The following GSDME variants were observed in gnomAD, a reference collection of about 807,000 sequenced individuals.
GSDME encodes gasdermin-E.
Under a neutral mutation model 47.5 loss-of-function variants are expected in GSDME, and 44 were observed. That is an observed-to-expected ratio of 0.93 (90% CI 0.73 to 1.19). The LOEUF is 1.19. Among genes scored for constraint, GSDME ranks in the 50% most tolerant of loss-of-function variants. GSDME has a pLI of 0.00. For missense variants in GSDME, 663 were observed against 604.2 expected, an observed-to-expected ratio of 1.10 and a Z score of -1.02; for synonymous variants, 258 against 252.8, an observed-to-expected ratio of 1.02 and a Z score of -0.20.
intron 7 of GSDME, chr7:24,707,219 ATCAGTTAT>A: frequency 2.3e-6 from 1 of 441,224 alleles, no homozygotes; most frequent in Non-Finnish European, 4.6e-6. Flanking sequence ...AAAGCACTAA[ATCAGTTAT>A]TCAAACTCCC....
chr7:24,784,597 C>G, the GSDME span, among the ~76,000 whole-genome samples: 3 of 151,494 alleles, frequency 2.0e-5, no homozygotes, highest in Admixed American at 1.3e-4. Flanking sequence ...GCTGATCCCA[C>G]CTTCTTCCCC....
rs17274530 is a variant in GSDME, at chr7:24,698,996, G to A, written c.*30C>T. 0.051 allele frequency: 75,979 copies of A among 1,480,710 alleles called. 2,257 individuals carry two copies. The highest frequency in any genetic ancestry group is 0.059 in the Non-Finnish European group (62,326 of 1,061,942). The allele number at this position is 1,480,710 out of a possible 1,614,324, so 91.7% of individuals were successfully genotyped here. On this transcript the variant is annotated 3_prime_UTR_variant, in exon 10 of 10. Coordinates refer to ENST00000645220, the MANE Select transcript of GSDME (RefSeq NM_001127453.2). ...CAGTTCTGAAAAATAGCCTTGGCCA[G>A]TAACACGTACTTCTAGTTCACATAT...
At chr7:24,715,065 C>T (rs1424214210) in intron 5 of GSDME, among the ~76,000 whole-genome samples, 4 of 152,200 alleles carry the variant, frequency 2.6e-5, no homozygotes, top group South Asian at 2.1e-4. Flanking sequence ...GTGCCAACCT[C>T]GATGAACCCA....
chr7:24,753,669 G>A (rs1460273919), intron 1 of GSDME, among the ~76,000 whole-genome samples: 3 of 152,194 alleles, frequency 2.0e-5, no homozygotes, highest in Non-Finnish European at 4.4e-5. Flanking sequence ...TTGCAAGTCT[G>A]ATAGGTGAGA....
At chr7:24,708,594 A>C (rs1432593578) in intron 6 of GSDME, among the ~76,000 whole-genome samples, 2 of 152,246 alleles carry the variant, frequency 1.3e-5, no homozygotes, top group Non-Finnish European at 2.9e-5. Flanking sequence ...TCTAGAAGTA[A>C]ATTATCAAAG....
the GSDME span, among the ~76,000 whole-genome samples, chr7:24,770,497 G>A: frequency 6.6e-6 from 1 of 152,166 alleles, no homozygotes; most frequent in Non-Finnish European, 1.5e-5. This position sits in a 1 kb window ranked among gnomAD's most constrained non-coding sequence, Gnocchi z 4.6. Flanking sequence ...AGAAGTGTGG[G>A]TTACTTGGAA....
At position 24,705,897 on chromosome 7, in the gene GSDME, G is replaced by A. The variant is rs1422101764; in HGVS notation, c.1183+287C>T. The A allele has an allele frequency of 1.6e-5, 8 of 494,418 alleles. No individual in the cohort carries two copies. Among genetic ancestry groups the A allele is most frequent in the Admixed American group, 3.3e-5 (1 of 30,558 alleles). The allele number at this position is 494,418 out of a possible 1,614,324, so 30.6% of individuals were successfully genotyped here. ...ACCACAGCCTGTCAGGGAGATGCTTGCTTTTGTAGGCAAAGGGGCACCCAC... is the reference window on the plus strand; with the variant it reads ...ACCACAGCCTGTCAGGGAGATGCTTACTTTTGTAGGCAAAGGGGCACCCAC... On this transcript the variant is annotated intron_variant, in intron 8 of 9. Transcript: ENST00000645220. This position sits in a 1 kb window ranked among gnomAD's most constrained non-coding sequence, Gnocchi z 4.1.
At chr7:24,779,017 C>T in the GSDME span, among the ~76,000 whole-genome samples, 2 of 152,170 alleles carry the variant, frequency 1.3e-5, no homozygotes, top group South Asian at 2.1e-4. This position sits in a 1 kb window ranked among gnomAD's most constrained non-coding sequence, Gnocchi z 6.0. Flanking sequence ...CCCATGTGAC[C>T]TCCACCTAAG....
chr7:24,740,912 TC>T (rs1163798340), intron 3 of GSDME, among the ~76,000 whole-genome samples: 3 of 151,986 alleles, frequency 2.0e-5, no homozygotes, highest in Non-Finnish European at 1.5e-5. Flanking sequence ...CCCTCCTCAA[TC>T]CCCAAATAGC....
intron 9 of GSDME, among the ~76,000 whole-genome samples, chr7:24,699,596 T>C (rs1314103440): frequency 1.3e-5 from 2 of 152,154 alleles, no homozygotes; most frequent in Non-Finnish European, 1.5e-5. Flanking sequence ...CACCTCGGCC[T>C]CCCAAAGTGC....
chr7:24,713,291 G>A (rs139570312), intron 5 of GSDME, among the ~76,000 whole-genome samples: 7 of 152,190 alleles, frequency 4.6e-5, no homozygotes, highest in African/African-American at 7.2e-5. Flanking sequence ...GAGGGACGGC[G>A]CCTCTCCCCT....
chr7:24,714,818 T>C lies in GSDME; in HGVS notation c.697+2436A>G, dbSNP rs1005022370. Among the ~76,000 whole-genome samples, 2 of 152,114 alleles carry C rather than the reference T, an allele frequency of 1.3e-5. No homozygotes were observed. The highest frequency in any genetic ancestry group is 2.4e-5 in the African/African-American group (1 of 41,420). On this transcript the variant is annotated intron_variant, in intron 5 of 9. Transcript: ENST00000645220. The surrounding 1 kb of genome is among the most constrained non-coding windows in gnomAD (Gnocchi z 5.0). ...GGAAGCTCGCATGGGGACCACCACC[T>C]AGAGTGGCAGCCCAGGCCTGGGTCC...
Position 24,744,854 on chromosome 7 carries a change from C to A in GSDME, c.212-100G>T. On this transcript the variant is annotated intron_variant, in intron 2 of 9. Coordinates refer to ENST00000645220, the MANE Select transcript of GSDME (RefSeq NM_001127453.2). The surrounding 1 kb of genome is among the most constrained non-coding windows in gnomAD (Gnocchi z 4.5). ...CAAGCCTGTGCAGAGCCCCGGAAAG[C>A]AGAAGGCTGGCACTCAGATGGAAAG... 7.5e-7 allele frequency: 1 copy of A among 1,337,116 alleles called. No individual in the cohort carries two copies. Among genetic ancestry groups the A allele is most frequent in the Non-Finnish European group, 1.0e-6 (1 of 954,558 alleles). 82.8% of individuals were successfully genotyped at this position (1,337,116 alleles called of 1,614,324 possible). A position where few individuals can be genotyped will look rare whatever the true frequency, so the allele number is the denominator to read the frequency against.
chr7:24,699,209 C>A lies in GSDME; in HGVS notation c.1308G>T (p.Leu436Phe). Residue 436 changes from leucine to phenylalanine, a missense_variant, in exon 10 of 10, where the codon TTG becomes TTT. Coordinates refer to ENST00000645220, the MANE Select transcript of GSDME (RefSeq NM_001127453.2). ...DGVSDLEDPT[L>F]TPLKDTERFG... ...ACCTTTCTGTATCTTTCAGGGGAGT[C>A]AAGGTTGGGTCTTCAAGATCAGATA... 1 of 1,614,134 alleles carries A rather than the reference C, an allele frequency of 6.2e-7. No individual in the cohort carries two copies. Among genetic ancestry groups the A allele is most frequent in the Middle Eastern group, 1.6e-4 (1 of 6,062 alleles).
intron 9 of GSDME, among the ~76,000 whole-genome samples, chr7:24,701,481 A>AAGCCCAT: frequency 7.2e-6 from 1 of 138,216 alleles, no homozygotes; most frequent in Non-Finnish European, 1.7e-5. Context: ...GTTAGATAAC[A>AAGCCCAT]GTTAGATAAC....
In GSDME at chr7:24,735,036, G is replaced by T. The variant is rs960389426; in HGVS notation, c.404+9526C>A. On this transcript the variant is annotated intron_variant, in intron 3 of 9. Transcript: ENST00000645220. The surrounding 1 kb of genome is among the most constrained non-coding windows in gnomAD (Gnocchi z 4.4). ...TCCCAAAAATCAAGGATAAAGAAAGGATCCTAAAAGCAGCAAGAAACTAAC... is the reference window on the plus strand; with the variant it reads ...TCCCAAAAATCAAGGATAAAGAAAGTATCCTAAAAGCAGCAAGAAACTAAC... 2.2e-4 allele frequency among the ~76,000 whole-genome samples: 33 copies of T among 152,092 alleles called. No homozygotes were observed. Among genetic ancestry groups the T allele is most frequent in the African/African-American group, 8.0e-4 (33 of 41,414 alleles).
At chr7:24,753,329 G>C (rs1384246129) in intron 1 of GSDME, among the ~76,000 whole-genome samples, 1 of 152,182 alleles carries the variant, frequency 6.6e-6, no homozygotes, top group Admixed American at 6.5e-5. Flanking sequence ...GTAGTTAAAA[G>C]GAGTCTGAAC....
intron 3 of GSDME, among the ~76,000 whole-genome samples, chr7:24,729,228 ATGTGTC>A (rs1790064708): frequency 6.6e-6 from 1 of 152,232 alleles, no homozygotes; most frequent in East Asian, 1.9e-4. Flanking sequence ...CCCTTGGAAC[ATGTGTC>A]TGTTTCCAAG....
At chr7:24,720,201 A>C (rs1000946857) in intron 3 of GSDME, among the ~76,000 whole-genome samples, 7 of 152,218 alleles carry the variant, frequency 4.6e-5, no homozygotes, top group Non-Finnish European at 8.8e-5. Flanking sequence ...TCAAGAACAG[A>C]CTAAATTTTT....
Sources: allele counts gnomAD v4.1 joint callset (sites outside exome capture counted in the v4.1 genomes callset), GRCh38; gene constraint gnomAD v4.1.1; non-coding constraint Gnocchi (gnomAD v3.1); transcripts MANE v1.5; gene names NCBI Gene and HGNC (gene_info 2026-07-23, HGNC 2026-07-21).